The following SHISA9 variants were observed in gnomAD, a reference collection of about 807,000 sequenced individuals.
SHISA9 encodes protein shisa-9.
A neutral mutation model predicts 38.0 loss-of-function variants in SHISA9; 13 were observed. The ratio of observed to expected loss-of-function variants is 0.34; its 90% CI spans 0.22 to 0.54. SHISA9 has a LOEUF of 0.54. Among genes scored for constraint, SHISA9 ranks in the 20% least tolerant of loss-of-function variants. The probability of loss-of-function intolerance (pLI) is 0.91; values close to 1 mark genes in which losing one functional copy is unlikely to be tolerated. For synonymous variants in SHISA9, 275 were observed against 242.0 expected (o/e 1.14, Z -1.27); for missense variants, 538 against 575.8 (o/e 0.93, Z 0.67).
chr16:13,538,226 C>T, the SHISA9 span, among the ~76,000 whole-genome samples: 2 of 152,110 alleles, frequency 1.3e-5, no homozygotes, highest in African/African-American at 4.8e-5. Flanking sequence ...ATCCCATGGC[C>T]TCAAAGCAAT....
the SHISA9 span, among the ~76,000 whole-genome samples, chr16:13,317,846 A>G: frequency 7.9e-5 from 12 of 152,198 alleles, no homozygotes; most frequent in Non-Finnish European, 1.6e-4. Context: ...AGAAGTATCT[A>G]AAGTCCCTAA....
chr16:13,268,495 G>A, the SHISA9 span, among the ~76,000 whole-genome samples: 1 of 151,538 alleles, frequency 6.6e-6, no homozygotes, highest in Non-Finnish European at 1.5e-5. Context: ...GGTGACAAAA[G>A]CAAAACTCGG....
chr16:13,048,539 A>C (rs1283162974), intron 2 of SHISA9, among the ~76,000 whole-genome samples: 2 of 152,138 alleles, frequency 1.3e-5, no homozygotes, highest in Non-Finnish European at 2.9e-5. Flanking sequence ...CTCCTGCCTC[A>C]GGCTCCTGAG....
chr16:13,260,007 CTTTTTTTTTTTTT>C, the SHISA9 span, among the ~76,000 whole-genome samples: 8 of 60,448 alleles, frequency 1.3e-4, no homozygotes, highest in African/African-American at 2.0e-4. Flanking sequence ...TTCTTTCTTT[CTTTTTTTTTTTTT>C]TTTTTTTTTT....
the SHISA9 span, among the ~76,000 whole-genome samples, chr16:13,428,763 T>C: frequency 1.2e-5 from 1 of 82,608 alleles, no homozygotes; most frequent in East Asian, 4.4e-4. Flanking sequence ...TTTTATTTTA[T>C]TGTTTTATTG....
chr16:12,971,775 C>T (rs1003658509), intron 2 of SHISA9, among the ~76,000 whole-genome samples: 2 of 152,114 alleles, frequency 1.3e-5, no homozygotes, highest in East Asian at 1.9e-4. Context: ...AAGGAAAATC[C>T]TGCAGAAATA....
the SHISA9 span, among the ~76,000 whole-genome samples, chr16:13,360,799 A>G: frequency 6.6e-6 from 1 of 152,180 alleles, no homozygotes; most frequent in Non-Finnish European, 1.5e-5. Flanking sequence ...GATGGGAGTC[A>G]GTGGATAAAT....
chr16:13,333,880 G>T, the SHISA9 span, among the ~76,000 whole-genome samples: 14 of 152,090 alleles, frequency 9.2e-5, no homozygotes, highest in Non-Finnish European at 1.8e-4. Context: ...TCATAACCTT[G>T]TTACAAAGGA....
chr16:13,170,196 C>A (rs1336371027), intron 2 of SHISA9, among the ~76,000 whole-genome samples: 1 of 130,734 alleles, frequency 7.6e-6, no homozygotes, highest in Non-Finnish European at 1.6e-5. Context: ...GAGTGAGACT[C>A]CATCTCAAAA....
At chr16:13,473,320 C>G in the SHISA9 span, among the ~76,000 whole-genome samples, 2 of 138,016 alleles carry the variant, frequency 1.4e-5, no homozygotes, top group African/African-American at 5.3e-5. Flanking sequence ...CTTTTTGTTC[C>G]TTTTACTTTT....
chr16:13,142,040 A>G (rs2050406391), intron 2 of SHISA9, among the ~76,000 whole-genome samples: 1 of 152,236 alleles, frequency 6.6e-6, no homozygotes, highest in South Asian at 2.1e-4. Flanking sequence ...ACAAGTTGAA[A>G]TAAACACAGC....
downstream of SHISA9, among the ~76,000 whole-genome samples, chr16:13,244,843 C>G (rs991976365): frequency 1.3e-5 from 2 of 152,172 alleles, no homozygotes; most frequent in Non-Finnish European, 2.9e-5. Context: ...CGATGTGATA[C>G]GACAATATCT....
chr16:13,235,411 C>A lies in SHISA9; in HGVS notation c.*2C>A. ...AGCAAAACAGAAGTGACTGTCTGAG[C>A]TTTCACCACAGGGAGCACCCTGGAG... On this transcript the variant is annotated 3_prime_UTR_variant, in exon 5 of 5. Transcript: ENST00000558583. 6.5e-7 allele frequency: 1 copy of A among 1,534,292 alleles called. No homozygotes were observed. Among genetic ancestry groups the A allele is most frequent in the Non-Finnish European group, 8.7e-7 (1 of 1,144,816 alleles).
intron 2 of SHISA9, among the ~76,000 whole-genome samples, chr16:12,967,237 T>C (rs890268467): frequency 6.6e-6 from 1 of 152,232 alleles, no homozygotes; most frequent in Admixed American, 6.5e-5. Context: ...CCATAAAAAA[T>C]GATGAGTTCA....
chr16:13,365,360 T>G, the SHISA9 span, among the ~76,000 whole-genome samples: 2 of 152,120 alleles, frequency 1.3e-5, no homozygotes, highest in African/African-American at 4.8e-5. Flanking sequence ...TGTAGCATGC[T>G]CTAACATTTA....
intron 2 of SHISA9, among the ~76,000 whole-genome samples, chr16:13,073,118 C>G (rs1395744546): frequency 6.6e-6 from 1 of 152,100 alleles, no homozygotes; most frequent in African/African-American, 2.4e-5. Context: ...GAGAAGGAAA[C>G]TGAGGCTCTG....
At chr16:13,081,424 T>G (rs1450341153) in intron 2 of SHISA9, among the ~76,000 whole-genome samples, 2 of 152,126 alleles carry the variant, frequency 1.3e-5, no homozygotes, top group South Asian at 2.1e-4. Context: ...ACGGCTACTG[T>G]GAATAGGCCA....
intron 2 of SHISA9, among the ~76,000 whole-genome samples, chr16:13,157,980 A>G (rs922061010): frequency 6.6e-6 from 1 of 152,144 alleles, no homozygotes; most frequent in Non-Finnish European, 1.5e-5. Flanking sequence ...TGGGCTCCTC[A>G]GTTAGTCTGA....
intron 1 of SHISA9, among the ~76,000 whole-genome samples, chr16:12,903,914 C>T (rs1461553661): frequency 1.3e-5 from 2 of 152,050 alleles, no homozygotes; most frequent in Admixed American, 1.3e-4. Context: ...TAATTATTTT[C>T]TATTTATACG....
Sources: allele counts gnomAD v4.1 joint callset (sites outside exome capture counted in the v4.1 genomes callset), GRCh38; gene constraint gnomAD v4.1.1; transcripts MANE v1.5; gene names NCBI Gene and HGNC (gene_info 2026-07-23, HGNC 2026-07-21).